Variants in LRP5 observed in about 807,000 individuals in gnomAD.
LRP5 encodes the protein LDL receptor related protein 5, also known as low-density lipoprotein receptor-related protein 5.
LRP5 carries 62 observed loss-of-function variants against 154.1 expected under a neutral mutation model. The ratio of observed to expected loss-of-function variants is 0.40; its 90% confidence interval spans 0.33 to 0.50. The LOEUF (loss-of-function observed/expected upper bound fraction) is 0.50, where lower values mean the gene tolerates loss of function less well. LRP5 is among the 20% of genes least tolerant of loss of function. LRP5 has a pLI of 0.55. For synonymous variants in LRP5, 966 were observed against 1,011.5 expected (o/e 0.96, Z 0.85); for missense variants, 1,915 against 2,336.7 (o/e 0.82, Z 3.72).
intron 1 of LRP5, among the ~76,000 whole-genome samples, chr11:68,313,347 G>A (rs2098590192): frequency 1.3e-5 from 2 of 152,108 alleles, no homozygotes; most frequent in Admixed American, 6.5e-5. Flanking sequence ...GGGTTTCCAA[G>A]CGGACTGACA....
chr11:68,307,050 C>T, the LRP5 span, among the ~76,000 whole-genome samples: 10 of 152,108 alleles, frequency 6.6e-5, no homozygotes, highest in East Asian at 1.9e-4. Context: ...GGTGTGGTGG[C>T]GCATGCCTGT....
intron 1 of LRP5, among the ~76,000 whole-genome samples, chr11:68,336,556 C>T (rs1029257348): frequency 2.6e-5 from 4 of 152,136 alleles, no homozygotes; most frequent in African/African-American, 9.7e-5. Flanking sequence ...GCAACCTCTG[C>T]CTCCCGGTTT....
intron 5 of LRP5, among the ~76,000 whole-genome samples, chr11:68,375,690 G>T (rs1206354721): frequency 6.6e-6 from 1 of 152,238 alleles, no homozygotes; most frequent in Non-Finnish European, 1.5e-5. Flanking sequence ...CTTCAAGAGG[G>T]TTTGAGAGCT....
chr11:68,323,838 C>G (rs915408206), intron 1 of LRP5, among the ~76,000 whole-genome samples: 1 of 152,230 alleles, frequency 6.6e-6, no homozygotes, highest in African/African-American at 2.4e-5. Flanking sequence ...CCCGGGAGTT[C>G]ATGCACTTGC....
rs759834541 is a variant in LRP5 at position 68,438,559 on chromosome 11, C to T, written c.4225C>T (p.Arg1409Cys). 41 of 1,614,042 alleles carry T rather than the reference C, an allele frequency of 2.5e-5. No homozygotes were observed. Among genetic ancestry groups the T allele is most frequent in the East Asian group, 8.9e-5 (4 of 44,892 alleles). The change falls in exon 20 of 23, where the codon CGC (arginine) becomes TGC (cysteine). Residue 1409 changes from arginine to cysteine, a missense_variant. This residue lies in a region of LRP5 where 1,094 missense variants were observed against 1,210.1 expected (regional missense o/e 0.90). Transcript: ENST00000294304. Reference sequence around the variant, plus strand: ...GGGTGGTGTCTATTTTGTGTGCCAGCGCGTGGTGTGCCAGCGCTATGCGGG... The same window carrying T: ...GGGTGGTGTCTATTTTGTGTGCCAGTGCGTGGTGTGCCAGCGCTATGCGGG... Reference protein sequence around the residue: ...VMGGVYFVCQRVVCQRYAGAN... With the variant: ...VMGGVYFVCQCVVCQRYAGAN...
At chr11:68,321,679 T>C (rs1382176244) in intron 1 of LRP5, among the ~76,000 whole-genome samples, 1 of 152,210 alleles carries the variant, frequency 6.6e-6, no homozygotes, top group African/African-American at 2.4e-5. Flanking sequence ...GAAATTCTAA[T>C]GCACACTAAT....
At chr11:68,367,110 T>C (rs983396266) in intron 5 of LRP5, among the ~76,000 whole-genome samples, 5 of 152,170 alleles carry the variant, frequency 3.3e-5, no homozygotes, top group Admixed American at 6.5e-5. Context: ...CCCTTCGCTG[T>C]TGACCGTTCA....
chr11:68,388,581 C>T (rs2098644304), intron 6 of LRP5, among the ~76,000 whole-genome samples: 1 of 151,900 alleles, frequency 6.6e-6, no homozygotes, highest in Non-Finnish European at 1.5e-5. Context: ...TGGGTTCCCT[C>T]CTTGGGGGGC....
chr11:68,388,894 C>T (rs866759355), intron 6 of LRP5, among the ~76,000 whole-genome samples: 1 of 152,182 alleles, frequency 6.6e-6, no homozygotes, highest in Non-Finnish European at 1.5e-5. Flanking sequence ...CTGGCATGCT[C>T]AGTCCTCCAG....
At chr11:68,344,739 C>T (rs142011056) in intron 1 of LRP5, among the ~76,000 whole-genome samples, 2 of 151,794 alleles carry the variant, frequency 1.3e-5, no homozygotes, top group African/African-American at 4.8e-5. Context: ...ACCGTAAGTA[C>T]CTCATATAAA....
intron 9 of LRP5, among the ~76,000 whole-genome samples, 191 bp from the exon 10 acceptor site, chr11:68,409,723 C>G (rs2098658316): frequency 0.023 from 1 of 44 alleles, no homozygotes; most frequent in Admixed American, 0.1. Context: ...GTGGCATGTG[C>G]CTGTAATCCC....
chr11:68,355,663 C>G (rs976454935), intron 2 of LRP5, among the ~76,000 whole-genome samples: 1 of 152,172 alleles, frequency 6.6e-6, no homozygotes, highest in Non-Finnish European at 1.5e-5. Flanking sequence ...CTGGTGTCTG[C>G]TCACTTTGTC....
chr11:68,400,113 G>A (rs934856752), intron 7 of LRP5, among the ~76,000 whole-genome samples: 3 of 152,146 alleles, frequency 2.0e-5, no homozygotes, highest in Non-Finnish European at 2.9e-5. Context: ...CCGGCCCAGA[G>A]CCAGCGTCTT....
In LRP5 at chr11:68,440,439, G is replaced by C. The variant is rs145529190; in HGVS notation, c.4488+523G>C. On this transcript the variant is annotated intron_variant, in intron 21 of 22. Transcript: ENST00000294304. ...GCTGGCTCCAGCTGAGCCACGCCTT[G>C]AGTGAAATGACTGTGAGGAGAATAA... Among the ~76,000 whole-genome samples, 463 of 152,332 alleles carry C rather than the reference G, an allele frequency of 3.0e-3. 3 individuals are homozygous for C. Among genetic ancestry groups the C allele is most frequent in the African/African-American group, 0.01 (424 of 41,578 alleles).
chr11:68,418,030 G>A (rs1273614077), intron 13 of LRP5, among the ~76,000 whole-genome samples: 2 of 152,174 alleles, frequency 1.3e-5, no homozygotes, highest in African/African-American at 2.4e-5. Flanking sequence ...ATGTGCTCAC[G>A]GCGGCCTCAG....
Position 68,448,939 on chromosome 11 carries a change from T to C in LRP5, c.4717T>C (p.Tyr1573His), listed in dbSNP as rs961052812. 6.2e-7 allele frequency: 1 copy of C among 1,613,092 alleles called. No homozygotes were observed. Among genetic ancestry groups the C allele is most frequent in the East Asian group, 2.2e-5 (1 of 44,858 alleles). The change falls in exon 23 of 23, where the codon TAT (tyrosine) becomes CAT (histidine). Residue 1573 changes from tyrosine (Y) to histidine (H), a missense_variant. By Grantham distance (83) the Tyr-to-His change is moderately conservative. Coordinates refer to ENST00000294304, the MANE Select transcript of LRP5 (RefSeq NM_002335.4). ...GGATTTGAACTCGGACTCAGACCCCTATCCACCCCCACCCACGCCCCACAG... is the reference window on the plus strand; with the variant it reads ...GGATTTGAACTCGGACTCAGACCCCCATCCACCCCCACCCACGCCCCACAG... ...YLDLNSDSDP[Y>H]PPPPTPHSQY...
At chr11:68,403,779 T>C in intron 8 of LRP5, 80 bp downstream of exon 8, 1 of 1,560,190 alleles carries the variant, frequency 6.4e-7, no homozygotes, top group Admixed American at 1.7e-5. Context: ...TGCCTGGGCA[T>C]AAGTGTTGAG....
chr11:68,371,824 CAG>C (rs1393420632), intron 5 of LRP5, among the ~76,000 whole-genome samples: 1 of 152,244 alleles, frequency 6.6e-6, no homozygotes, highest in Non-Finnish European at 1.5e-5. Context: ...GCCGGGATGT[CAG>C]AGCTGGCCAG....
chr11:68,312,850 A>C (rs1249837111), intron 1 of LRP5, 45 bp downstream of exon 1: 3 of 967,432 alleles, frequency 3.1e-6, no homozygotes, highest in African/African-American at 1.8e-5. Flanking sequence ...TGCTCGGACA[A>C]TGGCCCGGGC....
Sources: allele counts gnomAD v4.1 joint callset (sites outside exome capture counted in the v4.1 genomes callset), GRCh38; gene constraint gnomAD v4.1.1; regional missense constraint gnomAD v4.1.1; transcripts MANE v1.5; gene names NCBI Gene and HGNC (gene_info 2026-07-23, HGNC 2026-07-21).